Variants in GALNTL6 observed in about 807,000 individuals in gnomAD.
GALNTL6 encodes polypeptide N-acetylgalactosaminyltransferase like 6, also known as polypeptide N-acetylgalactosaminyltransferase-like 6.
In GALNTL6, 46 loss-of-function variants were observed where a neutral mutation model predicts 73.7. The ratio of observed to expected loss-of-function variants is 0.62; its 90% CI spans 0.49 to 0.80. The LOEUF is 0.80. Among genes scored for constraint, GALNTL6 ranks in the 30% least tolerant of loss-of-function variants. The pLI, the probability that GALNTL6 is intolerant of heterozygous loss-of-function variation, is 0.00. For missense variants in GALNTL6, 604 were observed against 755.0 expected (o/e 0.80, Z 2.34); for synonymous variants, 259 against 263.7 (o/e 0.98, Z 0.17).
At chr4:172,357,537 A>C (rs11933109) in intron 5 of GALNTL6, among the ~76,000 whole-genome samples, 1 of 152,008 alleles carries the variant, frequency 6.6e-6, no homozygotes, top group Non-Finnish European at 1.5e-5. Context: ...CTAATTAAAT[A>C]CACATCCTTT....
intron 3 of GALNTL6, among the ~76,000 whole-genome samples, chr4:172,235,849 T>C (rs1737224165): frequency 6.6e-6 from 1 of 152,104 alleles, no homozygotes; most frequent in Non-Finnish European, 1.5e-5. Context: ...TGTCCAGGTA[T>C]GCCCAGTGTT....
chr4:172,976,005 G>A (rs977690073), intron 10 of GALNTL6, among the ~76,000 whole-genome samples: 3 of 152,010 alleles, frequency 2.0e-5, no homozygotes, highest in Non-Finnish European at 4.4e-5. Context: ...TCGGAGCTCC[G>A]CCCGCTTAAC....
At chr4:172,689,374 G>A (rs1733125897) in intron 5 of GALNTL6, among the ~76,000 whole-genome samples, 1 of 152,098 alleles carries the variant, frequency 6.6e-6, no homozygotes, top group South Asian at 2.1e-4. Context: ...TCAATAAAAT[G>A]GAAAGTATAA....
chr4:172,003,516 TAC>T (rs1740741099), intron 2 of GALNTL6, among the ~76,000 whole-genome samples: 1 of 152,158 alleles, frequency 6.6e-6, no homozygotes, highest in Non-Finnish European at 1.5e-5. Context: ...GTAGAATGTG[TAC>T]AGTTTTAATA....
chr4:172,532,316 A>G, intron 5 of GALNTL6, among the ~76,000 whole-genome samples: 1 of 152,210 alleles, frequency 6.6e-6, no homozygotes, highest in East Asian at 1.9e-4. Context: ...ATAGAAGCAG[A>G]GATTGACTAG....
chr4:172,007,218 T>C (rs968807879), intron 2 of GALNTL6, among the ~76,000 whole-genome samples: 1 of 152,132 alleles, frequency 6.6e-6, no homozygotes, highest in Non-Finnish European at 1.5e-5. Context: ...GGTTTGCATT[T>C]CACTATCTTT....
At chr4:172,910,027 A>G (rs1431147451) in intron 8 of GALNTL6, among the ~76,000 whole-genome samples, 3 of 152,036 alleles carry the variant, frequency 2.0e-5, no homozygotes, top group Non-Finnish European at 2.9e-5. Flanking sequence ...GGCAAAGTAT[A>G]TAGAACAACT....
intron 5 of GALNTL6, among the ~76,000 whole-genome samples, chr4:172,573,830 C>G (rs562042389): frequency 1.3e-4 from 20 of 152,248 alleles, no homozygotes; most frequent in Non-Finnish European, 2.2e-4. Flanking sequence ...CAAACAAACT[C>G]AATTTCAGGA....
At chr4:172,794,437 A>T (rs977974273) in intron 5 of GALNTL6, among the ~76,000 whole-genome samples, 4 of 152,222 alleles carry the variant, frequency 2.6e-5, no homozygotes, top group Non-Finnish European at 5.9e-5. Context: ...AGTAGTAAAT[A>T]GGCAATTCAT....
chr4:172,960,482 G>T (rs151089375), intron 10 of GALNTL6, among the ~76,000 whole-genome samples: 5,782 of 152,200 alleles, frequency 0.038, 236 homozygotes, highest in African/African-American at 0.1. Context: ...GGGGAGGAGG[G>T]GAGAGGTCAG....
At chr4:172,479,268 G>A (rs1405107704) in intron 5 of GALNTL6, among the ~76,000 whole-genome samples, 1 of 152,012 alleles carries the variant, frequency 6.6e-6, no homozygotes, top group Non-Finnish European at 1.5e-5. Flanking sequence ...GTCAACCTAA[G>A]TGCCCATCAA....
chr4:172,397,704 A>G (rs1291667511), intron 5 of GALNTL6, among the ~76,000 whole-genome samples: 2 of 151,918 alleles, frequency 1.3e-5, no homozygotes, highest in African/African-American at 2.4e-5. Flanking sequence ...CAGCCTCCCA[A>G]GTAGCTGAGA....
chr4:172,034,395 CGTGCGTGTGT>C (rs1211392629), intron 2 of GALNTL6, among the ~76,000 whole-genome samples: 5,858 of 139,564 alleles, frequency 0.042, 218 homozygotes, highest in African/African-American at 0.058. Context: ...GGGGAGCGTG[CGTGCGTGTGT>C]GTGTGTGTGT....
chr4:172,740,078 A>T (rs1429670933), intron 5 of GALNTL6, among the ~76,000 whole-genome samples: 1 of 151,796 alleles, frequency 6.6e-6, no homozygotes, highest in African/African-American at 2.4e-5. Flanking sequence ...CTCTGACCTC[A>T]TCTCGTACCG....
At chr4:171,911,448 A>C (rs1275875063) in intron 2 of GALNTL6, among the ~76,000 whole-genome samples, 6 of 152,312 alleles carry the variant, frequency 3.9e-5, no homozygotes, top group Non-Finnish European at 7.4e-5. Flanking sequence ...CACTGCGCCC[A>C]GCCCCTCCGC....
chr4:171,920,749 C>A (rs1032805038), intron 2 of GALNTL6, among the ~76,000 whole-genome samples: 1 of 152,066 alleles, frequency 6.6e-6, no homozygotes, highest in Non-Finnish European at 1.5e-5. Context: ...AATTTCCTGA[C>A]ACCATTTTCA....
chr4:172,103,974 C>T (rs867724268), intron 2 of GALNTL6, among the ~76,000 whole-genome samples: 6 of 146,678 alleles, frequency 4.1e-5, no homozygotes, highest in African/African-American at 7.6e-5. Flanking sequence ...AGACCAGTCT[C>T]GCTCTTTTGC....
chr4:171,862,412 A>G (rs980177212), intron 2 of GALNTL6, among the ~76,000 whole-genome samples: 1 of 152,098 alleles, frequency 6.6e-6, no homozygotes, highest in African/African-American at 2.4e-5. Flanking sequence ...TTAATCATGT[A>G]TTAATGAAAT....
chr4:172,309,383 T>G (rs746657405), intron 3 of GALNTL6, among the ~76,000 whole-genome samples: 1 of 150,382 alleles, frequency 6.6e-6, no homozygotes, highest in Non-Finnish European at 1.5e-5. Context: ...GTTACTAAAG[T>G]GAAAAATATA....
Sources: gnomAD v4.1 joint callset for allele counts (sites outside exome capture counted in the v4.1 genomes callset) on GRCh38, gnomAD v4.1.1 for gene constraint, MANE v1.5 for transcripts, NCBI Gene and HGNC (gene_info 2026-07-23, HGNC 2026-07-21) for gene names.